The following SNTG2 variants were observed in gnomAD, a reference collection of about 807,000 sequenced individuals.
The protein encoded by SNTG2 is gamma-2-syntrophin.
SNTG2 carries 74 observed loss-of-function variants against 70.9 expected under a neutral mutation model. That is an observed-to-expected ratio of 1.04 (90% confidence interval 0.86 to 1.27). The LOEUF is 1.27. Ranked by LOEUF, SNTG2 falls within the 50% of genes most tolerant of loss-of-function variation. The pLI is 0.00. For synonymous variants in SNTG2, 278 were observed against 273.8 expected (o/e 1.02, Z -0.15); for missense variants, 717 against 690.7 (o/e 1.04, Z -0.43).
chr2:1,068,411 G>C (rs766730341), intron 1 of SNTG2: 2 of 152,168 alleles, frequency 1.3e-5, no homozygotes, highest in African/African-American at 2.4e-5. Context: ...AGTCGAGATG[G>C]TAACAGTGGA....
At chr2:1,198,843 C>G (rs1673094837) in intron 8 of SNTG2, among the ~76,000 whole-genome samples, 1 of 151,852 alleles carries the variant, frequency 6.6e-6, no homozygotes, top group Admixed American at 6.6e-5. Flanking sequence ...AAAAAAAAGT[C>G]TAAAACCTGA....
chr2:1,250,929 G>A (rs948519183), intron 12 of SNTG2, among the ~76,000 whole-genome samples: 11 of 152,056 alleles, frequency 7.2e-5, no homozygotes, highest in East Asian at 1.9e-4. Flanking sequence ...CATACACTCC[G>A]GAACATTCCT....
chr2:1,203,673 A>AATATATATATATAT (rs534989970), intron 8 of SNTG2, among the ~76,000 whole-genome samples: 2 of 115,512 alleles, frequency 1.7e-5, no homozygotes, highest in African/African-American at 3.2e-5. Context: ...CAAAAAAAAA[A>AATATATATATATAT]ATATATATAT....
chr2:987,440 C>T (rs1224654630), intron 1 of SNTG2, among the ~76,000 whole-genome samples: 1 of 151,838 alleles, frequency 6.6e-6, no homozygotes. Context: ...ATCTTGTGGC[C>T]AGTGTGTCAC....
chr2:1,152,147 G>T (rs763854677), intron 6 of SNTG2, among the ~76,000 whole-genome samples: 7 of 152,174 alleles, frequency 4.6e-5, no homozygotes, highest in Non-Finnish European at 1.0e-4. Context: ...TAATTAGATG[G>T]TTACAGGCCA....
chr2:1,002,002 A>G (rs565634599), intron 1 of SNTG2, among the ~76,000 whole-genome samples: 11 of 152,250 alleles, frequency 7.2e-5, no homozygotes, highest in African/African-American at 2.6e-4. Context: ...TGATGAAAAC[A>G]CACACTAATG....
intron 6 of SNTG2, among the ~76,000 whole-genome samples, chr2:1,158,658 C>T (rs964535665): frequency 6.6e-6 from 1 of 152,182 alleles, no homozygotes; most frequent in Non-Finnish European, 1.5e-5. Context: ...TTAGGCACAG[C>T]ACGGCCAGGG....
chr2:1,320,201 A>T (rs1217961653), intron 16 of SNTG2, among the ~76,000 whole-genome samples: 2 of 152,040 alleles, frequency 1.3e-5, no homozygotes, highest in Admixed American at 1.3e-4. Context: ...GGGCTTGGGG[A>T]GCAGAGTGAA....
intron 9 of SNTG2, among the ~76,000 whole-genome samples, chr2:1,224,161 G>T (rs1675590709): frequency 6.6e-6 from 1 of 152,138 alleles, no homozygotes; most frequent in Admixed American, 6.5e-5. Flanking sequence ...ACCTCTCAAA[G>T]GCCCCACCTT....
intron 12 of SNTG2, among the ~76,000 whole-genome samples, chr2:1,255,474 C>T (rs9710859): frequency 0.091 from 13,782 of 152,148 alleles, 694 homozygotes; most frequent in South Asian, 0.15. Context: ...AACAGGGACC[C>T]AGAGATGCCG....
chr2:1,331,448 C>T (rs1017267021), intron 16 of SNTG2, among the ~76,000 whole-genome samples: 1 of 152,150 alleles, frequency 6.6e-6, no homozygotes, highest in African/African-American at 2.4e-5. Flanking sequence ...TACAACTATC[C>T]GGGGGTGGGG....
intron 1 of SNTG2, among the ~76,000 whole-genome samples, chr2:1,073,281 C>T (rs2148143577): frequency 6.6e-6 from 1 of 152,280 alleles, no homozygotes; most frequent in Non-Finnish European, 1.5e-5. Context: ...CTATGTGGCA[C>T]ACTTCAATGT....
At chr2:1,046,910 C>A (rs13431975) in intron 1 of SNTG2, among the ~76,000 whole-genome samples, 2 of 152,008 alleles carry the variant, frequency 1.3e-5, no homozygotes, top group African/African-American at 4.8e-5. Context: ...ACCTTTCTAG[C>A]GAGAATGGGG....
At chr2:1,030,255 C>T (rs1422367029) in intron 1 of SNTG2, among the ~76,000 whole-genome samples, 1 of 152,128 alleles carries the variant, frequency 6.6e-6, no homozygotes, top group Non-Finnish European at 1.5e-5. Context: ...TTCCACTGTG[C>T]CTGGTGCAGT....
intron 4 of SNTG2, among the ~76,000 whole-genome samples, chr2:1,135,451 G>T (rs1258512180): frequency 6.6e-6 from 1 of 152,226 alleles, no homozygotes; most frequent in Non-Finnish European, 1.5e-5. Flanking sequence ...CAGGCGTGGT[G>T]GCTCACGCCT....
chr2:1,310,638 T>C (rs1680938991), intron 15 of SNTG2, among the ~76,000 whole-genome samples: 1 of 152,090 alleles, frequency 6.6e-6, no homozygotes, highest in East Asian at 1.9e-4. Flanking sequence ...GTGAGTTTCC[T>C]TTCTTCCTGG....
chr2:1,233,489 G>A (rs28392662), intron 9 of SNTG2, among the ~76,000 whole-genome samples: 48,707 of 152,068 alleles, frequency 0.32, 9,395 homozygotes, highest in African/African-American at 0.55. Context: ...GTGTGACCGG[G>A]CACATGAGAG....
At chr2:1,365,177 G>A (rs73180222) in intron 16 of SNTG2, among the ~76,000 whole-genome samples, 3,818 of 152,122 alleles carry the variant, frequency 0.025, 156 homozygotes, top group African/African-American at 0.087. Context: ...GGCGAATCCA[G>A]CTTGAATTAA....
chr2:966,916 C>T (rs1660586641), intron 1 of SNTG2, among the ~76,000 whole-genome samples: 1 of 152,066 alleles, frequency 6.6e-6, no homozygotes, highest in Admixed American at 6.5e-5. Context: ...CACTGCCCTC[C>T]AGCCTGGGCG....
Sources: allele counts gnomAD v4.1 joint callset (sites outside exome capture counted in the v4.1 genomes callset), GRCh38; gene constraint gnomAD v4.1.1; transcripts MANE v1.5; gene names NCBI Gene and HGNC (gene_info 2026-07-23, HGNC 2026-07-21).